The following PTPRQ variants were observed in gnomAD, a reference collection of about 807,000 sequenced individuals.
The protein encoded by PTPRQ is protein tyrosine phosphatase receptor type Q.
Under a neutral mutation model 246.0 loss-of-function variants are expected in PTPRQ, and 199 were observed. The ratio of observed to expected loss-of-function variants is 0.81; its 90% CI spans 0.72 to 0.91. The LOEUF is 0.91. Ranked by LOEUF, PTPRQ falls within the 40% of genes least tolerant of loss-of-function variation. The pLI, the probability that PTPRQ is intolerant of heterozygous loss-of-function variation, is 0.00. For synonymous variants in PTPRQ, 869 were observed against 853.2 expected (o/e 1.02, Z -0.32); for missense variants, 2,624 against 2,528.4 (o/e 1.04, Z -0.81).
At position 80,679,573 on chromosome 12, in the gene PTPRQ, G is replaced by A. The variant is rs560213984; in HGVS notation, c.*550G>A. On this transcript the variant is annotated 3_prime_UTR_variant, in exon 45 of 45. Transcript: ENST00000644991. The stretch of plus-strand genomic sequence containing the variant: ...TGAACAGTAACCCCCTGACACTGCA[G>A]GGATTACTTGGCCTTTATACAACAC... 6.6e-6 allele frequency: 1 copy of A among 152,132 alleles called. No individual in the cohort carries two copies. Among genetic ancestry groups the A allele is most frequent in the South Asian group, 2.1e-4 (1 of 4,826 alleles). 9.4% of individuals were successfully genotyped at this position (152,132 alleles called of 1,614,324 possible).
intron 3 of PTPRQ, among the ~76,000 whole-genome samples, chr12:80,456,567 A>G (rs986983613): frequency 1.3e-5 from 2 of 152,146 alleles, no homozygotes; most frequent in East Asian, 1.9e-4. Context: ...GATTTAGTCA[A>G]CCTAGTTCTG....
chr12:80,586,241 G>T (rs933355593), intron 25 of PTPRQ, among the ~76,000 whole-genome samples: 1 of 151,806 alleles, frequency 6.6e-6, no homozygotes, highest in Non-Finnish European at 1.5e-5. Context: ...CGAAGGACAT[G>T]AACAGACACT....
intron 6 of PTPRQ, among the ~76,000 whole-genome samples, chr12:80,461,819 A>G (rs1233354187): frequency 1.3e-5 from 2 of 151,490 alleles, no homozygotes; most frequent in Admixed American, 6.6e-5. Flanking sequence ...CCATCTTTGA[A>G]TTATACCATT....
chr12:80,575,355 G>A (rs997346613), intron 25 of PTPRQ, among the ~76,000 whole-genome samples: 1 of 152,102 alleles, frequency 6.6e-6, no homozygotes, highest in Non-Finnish European at 1.5e-5. Flanking sequence ...GAAGGCTGAG[G>A]TGGGAGGATC....
chr12:80,673,259 A>C lies in PTPRQ; in HGVS notation c.6693A>C (p.Leu2231=). 2 of 1,550,766 alleles carry C rather than the reference A, an allele frequency of 1.3e-6. No individual in the cohort carries two copies. Among genetic ancestry groups the C allele is most frequent in the Non-Finnish European group, 1.7e-6 (2 of 1,146,376 alleles). Residue 2231 remains leucine, a synonymous_variant, in exon 43 of 45, where the codon CTA becomes CTC. Transcript: ENST00000644991. Reference sequence around the variant, plus strand: ...ATGATTTTGTGGATATATATGGACTAGTAGCTGAACTGAGAAGTGAAAGAA... The same window carrying C: ...ATGATTTTGTGGATATATATGGACTCGTAGCTGAACTGAGAAGTGAAAGAA... ...NDHDFVDIYG[L]VAELRSERMC... is the part of the protein sequence containing the mutation.
At chr12:80,486,306 C>CT (rs1894273971) in intron 9 of PTPRQ, among the ~76,000 whole-genome samples, 1 of 149,684 alleles carries the variant, frequency 6.7e-6, no homozygotes, top group South Asian at 2.1e-4. Flanking sequence ...TTCCCTTATA[C>CT]TCTCTCAATG....
rs532657235 is a variant in PTPRQ at position 80,539,558 on chromosome 12, A to G, written c.2986-218A>G. The stretch of plus-strand genomic sequence containing the variant: ...TTTTTATTCTTTGCTATTTTTTTGT[A>G]TTGGCTTTGCAATAAAAACCACCAT... On this transcript the variant is annotated intron_variant, in intron 19 of 44. Coordinates refer to ENST00000644991, the MANE Select transcript of PTPRQ (RefSeq NM_001145026.2). 3.3e-5 allele frequency among the ~76,000 whole-genome samples: 5 copies of G among 152,094 alleles called. No homozygotes were observed. The South Asian group carries it at 1.0e-3, about 32-fold the overall frequency.
intron 33 of PTPRQ, among the ~76,000 whole-genome samples, chr12:80,622,621 C>T (rs1031590943): frequency 2.0e-5 from 3 of 152,032 alleles, no homozygotes; most frequent in African/African-American, 7.2e-5. Flanking sequence ...AAACCAACAC[C>T]CAGATTCTTT....
chr12:80,491,816 G>T (rs1280954322), intron 9 of PTPRQ, among the ~76,000 whole-genome samples: 1 of 151,594 alleles, frequency 6.6e-6, no homozygotes, highest in Admixed American at 6.6e-5. Flanking sequence ...TATTCCTAAG[G>T]CCTAGAAAAC....
intron 30 of PTPRQ, among the ~76,000 whole-genome samples, chr12:80,619,167 G>A (rs1898880107): frequency 6.6e-6 from 1 of 151,398 alleles, no homozygotes; most frequent in Non-Finnish European, 1.5e-5. Flanking sequence ...TCACACCTGG[G>A]CTCTATTATC....
At chr12:80,672,716 G>A (rs1901009290) in intron 42 of PTPRQ, among the ~76,000 whole-genome samples, 1 of 151,550 alleles carries the variant, frequency 6.6e-6, no homozygotes, top group African/African-American at 2.4e-5. Flanking sequence ...GAAAGAAAGT[G>A]AAAAGGACAA....
chr12:80,648,098 T>C (rs1361503622), intron 35 of PTPRQ, among the ~76,000 whole-genome samples: 2 of 152,118 alleles, frequency 1.3e-5, no homozygotes, highest in African/African-American at 2.4e-5. Flanking sequence ...ATTCATTCTT[T>C]GCTTCAAAAA....
At chr12:80,637,442 A>G (rs1224305203) in intron 35 of PTPRQ, among the ~76,000 whole-genome samples, 1 of 152,212 alleles carries the variant, frequency 6.6e-6, no homozygotes, top group African/African-American at 2.4e-5. Context: ...TTACACACAG[A>G]GAATTAGTAT....
At chr12:80,484,669 G>C (rs912229625) in intron 9 of PTPRQ, 64 bp downstream of exon 9, 12 of 1,514,942 alleles carry the variant, frequency 7.9e-6, no homozygotes, top group Non-Finnish European at 9.7e-6. Flanking sequence ...CTGATAGCTT[G>C]GAAGATTTGC....
chr12:80,603,002 A>T (rs1898193660), intron 26 of PTPRQ, among the ~76,000 whole-genome samples: 2 of 151,636 alleles, frequency 1.3e-5, no homozygotes, highest in African/African-American at 4.8e-5. Context: ...ATGAATCCAA[A>T]TTTGTCATCT....
intron 35 of PTPRQ, among the ~76,000 whole-genome samples, chr12:80,642,892 C>A (rs1027115600): frequency 2.0e-4 from 26 of 130,836 alleles, no homozygotes; most frequent in African/African-American, 8.2e-4. Context: ...TGCACTCCAG[C>A]CTGGGCGACA....
chr12:80,603,521 T>C (rs955831096), intron 26 of PTPRQ, among the ~76,000 whole-genome samples: 1 of 151,658 alleles, frequency 6.6e-6, no homozygotes, highest in Admixed American at 6.6e-5. Flanking sequence ...GTTTCTTGGA[T>C]TTAGGGATTC....
intron 26 of PTPRQ, among the ~76,000 whole-genome samples, chr12:80,597,926 T>C (rs1898022838): frequency 6.6e-6 from 1 of 152,032 alleles, no homozygotes; most frequent in Non-Finnish European, 1.5e-5. Flanking sequence ...TCAGAAAATA[T>C]GTATTCTCTG....
In PTPRQ at chr12:80,546,547, G is replaced by C; in HGVS notation, c.3874-9G>C. On this transcript the variant is annotated splice_polypyrimidine_tract_variant and intron_variant, in intron 23 of 44. Coordinates refer to ENST00000644991, the MANE Select transcript of PTPRQ (RefSeq NM_001145026.2). ...TGCATTAACTAATAACTTTTTTTCT[G>C]TTTTTCAGAATATATCAGGATTTAA... is the stretch of plus-strand genomic sequence containing the variant. 1 of 1,531,760 alleles carries C rather than the reference G, an allele frequency of 6.5e-7. No homozygotes were observed. The highest frequency in any genetic ancestry group is 8.8e-7 in the Non-Finnish European group (1 of 1,141,616). 94.9% of individuals were successfully genotyped at this position (1,531,760 alleles called of 1,614,324 possible).
Sources: allele counts gnomAD v4.1 joint callset (sites outside exome capture counted in the v4.1 genomes callset), GRCh38; gene constraint gnomAD v4.1.1; transcripts MANE v1.5; gene names NCBI Gene and HGNC (gene_info 2026-07-23, HGNC 2026-07-21).